AP2B1: variants seen among roughly 807,000 people sequenced by gnomAD.
The protein encoded by AP2B1 is AP-2 complex subunit beta.
A neutral mutation model predicts 102.0 loss-of-function variants in AP2B1; 23 were observed. That is an observed-to-expected ratio of 0.23 (90% CI 0.16 to 0.32). The LOEUF (loss-of-function observed/expected upper bound fraction) is 0.32. AP2B1 is among the 10% of genes least tolerant of loss of function. The pLI, the probability that AP2B1 is intolerant of heterozygous loss-of-function variation, is 1.00. For synonymous variants in AP2B1, 381 were observed against 421.2 expected, an observed-to-expected ratio of 0.90 and a Z score of 1.17; for missense variants, 541 against 1,157.4, an observed-to-expected ratio of 0.47 and a Z score of 7.73.
intron 16 of AP2B1, among the ~76,000 whole-genome samples, chr17:35,672,506 C>T (rs1234881451): frequency 6.6e-6 from 1 of 152,180 alleles, no homozygotes. Context: ...TACAGTCTTA[C>T]CTTTCTGAGG....
intron 18 of AP2B1, among the ~76,000 whole-genome samples, chr17:35,683,969 C>T (rs587617182): frequency 7.9e-5 from 12 of 152,254 alleles, no homozygotes; most frequent in African/African-American, 2.6e-4. Flanking sequence ...CCAATCAATG[C>T]CATAGATGAG....
chr17:35,655,886 A>G (rs1350661228), intron 13 of AP2B1, among the ~76,000 whole-genome samples: 1 of 152,236 alleles, frequency 6.6e-6, no homozygotes, highest in Non-Finnish European at 1.5e-5. Flanking sequence ...CCTGATGAGT[A>G]AAGTTGCTAA....
At chr17:35,603,446 G>A (rs1370161192) in intron 3 of AP2B1, among the ~76,000 whole-genome samples, 1 of 152,146 alleles carries the variant, frequency 6.6e-6, no homozygotes, top group African/African-American at 2.4e-5. Flanking sequence ...TTTGTTTCCT[G>A]TGGCTTATAG....
chr17:35,597,315 T>TAA (rs990754678), intron 2 of AP2B1, among the ~76,000 whole-genome samples: 6 of 152,342 alleles, frequency 3.9e-5, no homozygotes, highest in African/African-American at 1.4e-4. Flanking sequence ...CCGTTTCTTT[T>TAA]AAACAATATT....
At chr17:35,709,836 A>T (rs755105601) in intron 19 of AP2B1, among the ~76,000 whole-genome samples, 1 of 152,176 alleles carries the variant, frequency 6.6e-6, no homozygotes, top group African/African-American at 2.4e-5. Context: ...ATGAATCACA[A>T]TCTAATAAAA....
chr17:35,697,430 G>A (rs2076161685), intron 18 of AP2B1, among the ~76,000 whole-genome samples: 1 of 152,180 alleles, frequency 6.6e-6, no homozygotes, highest in African/African-American at 2.4e-5. Context: ...ATCCTAAAGA[G>A]CCTTAGACTA....
chr17:35,607,990 TAGGAA>T, intron 4 of AP2B1, 147 bp from the exon 5 acceptor site: 1 of 895,538 alleles, frequency 1.1e-6, no homozygotes, highest in African/African-American at 1.7e-5. Context: ...GATTTGTACT[TAGGAA>T]AGGAATAGCA....
At chr17:35,613,163 TAGAAA>T (rs1567810445) in intron 5 of AP2B1, among the ~76,000 whole-genome samples, 2 of 151,034 alleles carry the variant, frequency 1.3e-5, no homozygotes, top group Non-Finnish European at 2.9e-5. Context: ...TAGATTCTCT[TAGAAA>T]AGAAAAGAAT....
chr17:35,650,565 T>C lies in AP2B1; in HGVS notation c.1572T>C (p.Tyr524=), dbSNP rs764802731. The C allele has an allele frequency of 6.2e-7, 1 of 1,614,192 alleles. No individual in the cohort carries two copies. Among genetic ancestry groups the C allele is most frequent in the Non-Finnish European group, 8.5e-7 (1 of 1,180,020 alleles). ...SDNPDLRDRG[Y]IYWRLLSTDP... is the part of the protein sequence containing the mutation. ...ATCCTGACCTTCGAGACCGGGGCTA[T>C]ATTTATTGGCGCCTTCTCTCAACTG... The change falls in exon 13 of 22, where the codon TAT becomes TAC. Residue 524 remains tyrosine, a synonymous_variant. Transcript: ENST00000610402.
chr17:35,687,333 T>G (rs2075957918), intron 18 of AP2B1, among the ~76,000 whole-genome samples: 1 of 151,926 alleles, frequency 6.6e-6, no homozygotes, highest in Non-Finnish European at 1.5e-5. Context: ...TTGCCTAGGC[T>G]GGTCTCAAAT....
At chr17:35,626,548 C>G in intron 6 of AP2B1, 73 bp from the exon 7 acceptor site, 2 of 1,263,418 alleles carry the variant, frequency 1.6e-6, no homozygotes, top group South Asian at 2.7e-5. Context: ...TAGACTCTGA[C>G]ATATTACCTT....
intron 14 of AP2B1, chr17:35,659,873 G>T: frequency 1.0e-6 from 1 of 985,256 alleles, no homozygotes; most frequent in Non-Finnish European, 1.2e-6. Context: ...CTTTGGATCC[G>T]TATGTGGTTA....
rs143166458 is a variant in AP2B1, at chr17:35,674,217, C to T, written c.2220C>T (p.Ser740=). ...TAAAGGCTAAAGGCTTGGAGATTTC[C>T]GGAACATTTACTCACCGCCAAGGGC... ...PAVKAKGLEI[S]GTFTHRQGHI... The change falls in exon 17 of 22, where the codon TCC becomes TCT. Residue 740 remains serine (S), a synonymous_variant. Coordinates refer to ENST00000610402, the MANE Select transcript of AP2B1 (RefSeq NM_001030006.2). 1.6e-5 allele frequency: 26 copies of T among 1,614,064 alleles called. No individual in the cohort carries two copies. The highest frequency in any genetic ancestry group is 8.9e-5 in the East Asian group (4 of 44,880).
At chr17:35,601,741 C>T (rs891692864) in intron 3 of AP2B1, among the ~76,000 whole-genome samples, 1 of 151,786 alleles carries the variant, frequency 6.6e-6, no homozygotes, top group Non-Finnish European at 1.5e-5. Context: ...GGATTGAAAA[C>T]ATCAGTACAA....
chr17:35,676,593 G>A (rs577981421), intron 17 of AP2B1, among the ~76,000 whole-genome samples: 2 of 152,026 alleles, frequency 1.3e-5, no homozygotes, highest in Non-Finnish European at 2.9e-5. Flanking sequence ...TCTTTGGTTG[G>A]ACATATGTTT....
chr17:35,680,896 T>C (rs587620303), intron 17 of AP2B1, among the ~76,000 whole-genome samples: 1 of 152,134 alleles, frequency 6.6e-6, no homozygotes, highest in South Asian at 2.1e-4. Flanking sequence ...TGTTTCACCA[T>C]GTTGGCCAGC....
rs2073182276 is a variant in AP2B1 at position 35,594,021 on chromosome 17, A to G, written c.-10A>G. 1 of 1,583,482 alleles carries G rather than the reference A, an allele frequency of 6.3e-7. No homozygotes were observed. The stretch of plus-strand genomic sequence containing the variant: ...CTCTTGCTATAGGTGCACATTAAAG[A>G]TCCAAAGTCATGACTGACTCCAAGT... On this transcript the variant is annotated 5_prime_UTR_variant, in exon 2 of 22. Coordinates refer to ENST00000610402, the MANE Select transcript of AP2B1 (RefSeq NM_001030006.2).
intron 21 of AP2B1, among the ~76,000 whole-genome samples, chr17:35,718,765 TG>T (rs2085263666): frequency 6.6e-6 from 1 of 151,060 alleles, no homozygotes; most frequent in African/African-American, 2.4e-5. Flanking sequence ...TGGGTGTGTG[TG>T]GTTTTTTTTT....
intron 12 of AP2B1, among the ~76,000 whole-genome samples, chr17:35,648,446 G>A (rs2074997686): frequency 6.6e-6 from 1 of 152,046 alleles, no homozygotes; most frequent in African/African-American, 2.4e-5. Context: ...AACCCGAGAG[G>A]CAGAGGTTGC....
Sources: allele counts gnomAD v4.1 joint callset (sites outside exome capture counted in the v4.1 genomes callset), GRCh38; gene constraint gnomAD v4.1.1; transcripts MANE v1.5; gene names NCBI Gene and HGNC (gene_info 2026-07-23, HGNC 2026-07-21).